Variants in ANKRD30A observed in about 807,000 individuals in gnomAD.
ANKRD30A encodes ankyrin repeat domain 30A, also known as ankyrin repeat domain-containing protein 30A.
ANKRD30A carries 170 observed loss-of-function variants against 166.3 expected under a neutral mutation model. The ratio of observed to expected loss-of-function variants is 1.02; its 90% CI spans 0.90 to 1.16. The LOEUF (loss-of-function observed/expected upper bound fraction) is 1.16, where lower values mean the gene tolerates loss of function less well. Among genes scored for constraint, ANKRD30A ranks in the 50% most tolerant of loss-of-function variants. ANKRD30A has a pLI of 0.00. For synonymous variants in ANKRD30A, 564 were observed against 508.9 expected (o/e 1.11, Z -1.46); for missense variants, 1,630 against 1,518.0 (o/e 1.07, Z -1.23).
At position 37,132,243 on chromosome 10, in the gene ANKRD30A, A is replaced by G. The variant is rs761834271; in HGVS notation, c.514A>G (p.Ser172Gly). 3 of 1,578,064 alleles carry G rather than the reference A, an allele frequency of 1.9e-6. No individual in the cohort carries two copies. Among genetic ancestry groups the G allele is most frequent in the East Asian group, 2.3e-5 (1 of 44,284 alleles). The part of the protein sequence containing the change: ...GAVIEVHNKA[S>G]LTPLLLSITK... Reference sequence around the variant, plus strand: ...AAATTGTTTTGCTATTTTACAGGCTAGCCTCACACCACTTTTACTATCCAT... The same window carrying G: ...AAATTGTTTTGCTATTTTACAGGCTGGCCTCACACCACTTTTACTATCCAT... The change falls in exon 4 of 36, where the codon AGC becomes GGC. Residue 172 changes from serine (S) to glycine (G), a missense_variant. Physicochemically the swap from Ser to Gly is moderately conservative, Grantham distance 56. Transcript: ENST00000361713.
Position 37,130,330 on chromosome 10 carries a change from G to T in ANKRD30A, c.462G>T (p.Val154=), listed in dbSNP as rs1462413802. Residue 154 remains valine (V), a synonymous_variant, in exon 3 of 36, where the codon GTG becomes GTT. Transcript: ENST00000361713. ...HYAVYSEILS[V]VAKLLSHGAV... is the part of the protein sequence containing the mutation. ...CTGTTTATAGTGAGATTTTGTCAGT[G>T]GTGGCAAAACTGCTGTCCCATGGTG... 1 of 1,582,892 alleles carries T rather than the reference G, an allele frequency of 6.3e-7. No individual in the cohort carries two copies. Among genetic ancestry groups the T allele is most frequent in the Non-Finnish European group, 8.6e-7 (1 of 1,165,388 alleles).
At chr10:37,257,420 T>C in the ANKRD30A span, among the ~76,000 whole-genome samples, 1 of 152,104 alleles carries the variant, frequency 6.6e-6, no homozygotes, top group Non-Finnish European at 1.5e-5. Context: ...CTGTTCTTTG[T>C]TGTTTCTTGT....
intron 34 of ANKRD30A, among the ~76,000 whole-genome samples, chr10:37,230,859 G>A (rs1328717331): frequency 1.3e-5 from 2 of 152,076 alleles, no homozygotes; most frequent in Non-Finnish European, 2.9e-5. Flanking sequence ...AGGTTTGTGT[G>A]GAAGACAGAA....
At chr10:37,200,652 TA>T (rs2132690933) in intron 30 of ANKRD30A, among the ~76,000 whole-genome samples, 1 of 152,276 alleles carries the variant, frequency 6.6e-6, no homozygotes, top group South Asian at 2.1e-4. Context: ...ATTTGCATTC[TA>T]TTCAAGCACT....
At chr10:37,131,491 G>A (rs140324506) in intron 3 of ANKRD30A, among the ~76,000 whole-genome samples, 1 of 152,258 alleles carries the variant, frequency 6.6e-6, no homozygotes, top group Admixed American at 6.5e-5. Flanking sequence ...AGCAATCAAA[G>A]TTCACTTGAA....
chr10:37,160,150 T>C (rs543551778), intron 15 of ANKRD30A, among the ~76,000 whole-genome samples: 1 of 152,300 alleles, frequency 6.6e-6, no homozygotes, highest in South Asian at 2.1e-4. Context: ...CTAAAACACA[T>C]TTAATTAGAC....
At chr10:37,248,188 G>T in the ANKRD30A span, 47 of 634,522 alleles carry the variant, frequency 7.4e-5, no homozygotes, top group Middle Eastern at 6.5e-4. Context: ...AGCATGCTCA[G>T]GTTTCCCCAG....
chr10:37,172,085 T>C (rs1340662159), intron 21 of ANKRD30A, among the ~76,000 whole-genome samples: 2 of 139,282 alleles, frequency 1.4e-5, no homozygotes, highest in Non-Finnish European at 3.1e-5. Flanking sequence ...GTGGCTCACG[T>C]CTGTAATGCC....
At chr10:37,196,927 A>G (rs1268976945) in intron 27 of ANKRD30A, among the ~76,000 whole-genome samples, 1 of 152,196 alleles carries the variant, frequency 6.6e-6, no homozygotes, top group Non-Finnish European at 1.5e-5. Flanking sequence ...ATGTTAAAGA[A>G]CAGGATGAAT....
chr10:37,205,680 G>GT (rs1357081857), intron 31 of ANKRD30A, among the ~76,000 whole-genome samples: 2 of 152,188 alleles, frequency 1.3e-5, no homozygotes, highest in African/African-American at 4.8e-5. Flanking sequence ...GTGAAGCTGT[G>GT]TTTTATCTAT....
chr10:37,248,251 T>A, the ANKRD30A span: 1 of 594,612 alleles, frequency 1.7e-6, no homozygotes, highest in East Asian at 4.3e-5. Flanking sequence ...GTAAATAAGG[T>A]TGATCTCAGA....
intron 27 of ANKRD30A, among the ~76,000 whole-genome samples, chr10:37,196,272 C>T (rs1054524198): frequency 2.8e-4 from 42 of 151,238 alleles, no homozygotes; most frequent in African/African-American, 8.5e-4. Context: ...CAGAGACTAC[C>T]GGAAGCAGGA....
At chr10:37,196,958 A>T (rs1200891) in intron 27 of ANKRD30A, among the ~76,000 whole-genome samples, 56,383 of 151,966 alleles carry the variant, frequency 0.37, 10,779 homozygotes, top group Admixed American at 0.42. Context: ...AAGTGATTCT[A>T]ATGTGTTTCA....
In ANKRD30A at chr10:37,125,840, C is replaced by A; in HGVS notation, c.53C>A (p.Pro18Gln). The A allele has an allele frequency of 1.8e-6, 2 of 1,133,070 alleles. No homozygotes were observed. Among genetic ancestry groups the A allele is most frequent in the Non-Finnish European group, 2.6e-6 (2 of 774,072 alleles). 70.2% of individuals were successfully genotyped at this position (1,133,070 alleles called of 1,614,324 possible). A position where few individuals can be genotyped will look rare whatever the true frequency, so the allele number is the denominator to read the frequency against. Residue 18 changes from proline (P) to glutamine (Q), a missense_variant, in exon 1 of 36, where the codon CCG becomes CAG. Around this residue, in one of 4 missense-constraint regions of ANKRD30A, gnomAD observed 904 missense variants for 818.5 expected, o/e 1.10. Coordinates refer to ENST00000361713, the MANE Select transcript of ANKRD30A (RefSeq NM_052997.3). ...AVKVVPGPER[P>Q]SPFSQLVYTS... Reference sequence around the variant, plus strand: ...AAGGTCGTGCCGGGCCCGGAGCGCCCGAGCCCTTTCAGCCAGCTAGTCTAT... The same window carrying A: ...AAGGTCGTGCCGGGCCCGGAGCGCCAGAGCCCTTTCAGCCAGCTAGTCTAT...
At chr10:37,196,718 G>C (rs1434499821) in intron 27 of ANKRD30A, among the ~76,000 whole-genome samples, 2 of 152,098 alleles carry the variant, frequency 1.3e-5, no homozygotes, top group African/African-American at 4.8e-5. Flanking sequence ...GAAGCATTCA[G>C]ATGAATAAAG....
At chr10:37,202,420 A>G (rs140059525) in intron 31 of ANKRD30A, among the ~76,000 whole-genome samples, 105 of 152,312 alleles carry the variant, frequency 6.9e-4, no homozygotes, top group Middle Eastern at 3.4e-3. Context: ...GCAGAAATAA[A>G]TATGTTCTTT....
At chr10:37,145,938 TA>T (rs796819857) in intron 8 of ANKRD30A, among the ~76,000 whole-genome samples, 53 of 152,414 alleles carry the variant, frequency 3.5e-4, no homozygotes, top group African/African-American at 1.2e-3. Context: ...AGTAGTATTT[TA>T]AAAAGTAGAA....
chr10:37,145,356 A>G (rs1837424090), intron 8 of ANKRD30A, among the ~76,000 whole-genome samples: 1 of 152,104 alleles, frequency 6.6e-6, no homozygotes. Flanking sequence ...ATACCCCTGT[A>G]ATCCCAGCTA....
chr10:37,220,689 A>G (rs1375354896), intron 34 of ANKRD30A, among the ~76,000 whole-genome samples: 1 of 151,168 alleles, frequency 6.6e-6, no homozygotes, highest in African/African-American at 2.4e-5. Flanking sequence ...TGAAGGCTCA[A>G]AGATTATCAT....
Sources: gnomAD v4.1 joint callset for allele counts (sites outside exome capture counted in the v4.1 genomes callset) on GRCh38, gnomAD v4.1.1 for gene constraint, gnomAD v4.1.1 regional missense constraint, MANE v1.5 for transcripts, NCBI Gene and HGNC (gene_info 2026-07-23, HGNC 2026-07-21) for gene names.